Variants in NELL1 observed in about 807,000 individuals in gnomAD.
NELL1 encodes the protein protein kinase C-binding protein NELL1.
NELL1 carries 76 observed loss-of-function variants against 107.4 expected under a neutral mutation model. The observed-to-expected ratio is 0.71, with a 90% confidence interval of 0.59 to 0.86. The LOEUF is 0.86. NELL1 is among the 40% of genes least tolerant of loss of function. NELL1 has a pLI of 0.00. For missense variants in NELL1, 1,024 were observed against 1,005.5 expected (o/e 1.02, Z -0.25); for synonymous variants, 353 against 341.2 (o/e 1.03, Z -0.38).
At chr11:20,700,054 T>C (rs1425111824) in intron 2 of NELL1, among the ~76,000 whole-genome samples, 1 of 152,032 alleles carries the variant, frequency 6.6e-6, no homozygotes, top group Admixed American at 6.6e-5. Context: ...TTTTTTTTTA[T>C]AAAATGATGC....
intron 12 of NELL1, chr11:21,000,745 G>T (rs993152116): frequency 6.6e-6 from 1 of 152,206 alleles, no homozygotes; most frequent in Non-Finnish European, 1.5e-5. Context: ...TATTCTTTAT[G>T]CAGCAGGATG....
intron 15 of NELL1, among the ~76,000 whole-genome samples, chr11:21,483,804 G>A (rs1854551027): frequency 6.7e-6 from 1 of 148,946 alleles, no homozygotes; most frequent in Admixed American, 6.7e-5. Context: ...ATGGAATATT[G>A]TGTGGTTATT....
At chr11:20,946,188 C>T (rs775657248) in intron 10 of NELL1, among the ~76,000 whole-genome samples, 21 of 152,246 alleles carry the variant, frequency 1.4e-4, no homozygotes, top group Non-Finnish European at 2.4e-4. Flanking sequence ...CTCATGAAGA[C>T]GGAAAACTCA....
At chr11:21,013,389 T>C (rs1246835451) in intron 12 of NELL1, among the ~76,000 whole-genome samples, 2 of 152,030 alleles carry the variant, frequency 1.3e-5, no homozygotes, top group African/African-American at 4.8e-5. Context: ...TGGAGATGGT[T>C]GAGAGGGGCC....
chr11:21,056,185 C>G (rs1853611232), intron 12 of NELL1, among the ~76,000 whole-genome samples: 1 of 152,188 alleles, frequency 6.6e-6, no homozygotes, highest in Admixed American at 6.6e-5. Context: ...AGCAGGGCAG[C>G]AGTTCAATAG....
intron 15 of NELL1, among the ~76,000 whole-genome samples, chr11:21,410,670 A>G (rs1852353526): frequency 6.6e-6 from 1 of 151,954 alleles, no homozygotes; most frequent in Non-Finnish European, 1.5e-5. Context: ...TGTAATCTCT[A>G]CCTATTTAAA....
chr11:21,144,646 T>C (rs16907534), intron 13 of NELL1, among the ~76,000 whole-genome samples: 1,913 of 152,302 alleles, frequency 0.013, 43 homozygotes, highest in African/African-American at 0.043. Flanking sequence ...ATTTTTGCAC[T>C]AGAGTCTGCT....
At chr11:20,818,334 G>A (rs911027424) in intron 3 of NELL1, among the ~76,000 whole-genome samples, 1 of 148,552 alleles carries the variant, frequency 6.7e-6, no homozygotes, top group Non-Finnish European at 1.5e-5. Context: ...CATACGTAAC[G>A]TCTTTCTTTG....
At chr11:21,334,414 G>A (rs529234088) in intron 14 of NELL1, among the ~76,000 whole-genome samples, 6 of 151,852 alleles carry the variant, frequency 4.0e-5, no homozygotes, top group African/African-American at 1.2e-4. Context: ...AAGCCCTTAC[G>A]AAAACAGGCC....
intron 15 of NELL1, among the ~76,000 whole-genome samples, chr11:21,483,316 A>C (rs1854538581): frequency 6.6e-6 from 1 of 152,200 alleles, no homozygotes; most frequent in Admixed American, 6.5e-5. Context: ...GCTTCCAGGT[A>C]AAGCTAATGT....
At chr11:20,930,099 T>C (rs907585978) in intron 9 of NELL1, among the ~76,000 whole-genome samples, 1 of 152,216 alleles carries the variant, frequency 6.6e-6, no homozygotes, top group African/African-American at 2.4e-5. Flanking sequence ...TGTTTGGACA[T>C]GGAAGTAATG....
chr11:20,815,880 A>AT (rs1857612876), intron 3 of NELL1, among the ~76,000 whole-genome samples: 1 of 152,048 alleles, frequency 6.6e-6, no homozygotes, highest in African/African-American at 2.4e-5. Context: ...ATGCCTAGTC[A>AT]TTTTTCCTGG....
intron 13 of NELL1, among the ~76,000 whole-genome samples, chr11:21,134,911 TTGTATAATG>T (rs1855710168): frequency 1.3e-5 from 2 of 152,238 alleles, no homozygotes; most frequent in South Asian, 4.1e-4. Context: ...AATCTCTCAT[TTGTATAATG>T]TGCATAATAT....
chr11:21,176,483 C>A (rs34409388), intron 13 of NELL1, among the ~76,000 whole-genome samples: 2 of 151,928 alleles, frequency 1.3e-5, no homozygotes, highest in East Asian at 3.9e-4. Context: ...TCTGGCCCAC[C>A]TGAGGTTTAT....
intron 12 of NELL1, among the ~76,000 whole-genome samples, chr11:21,072,429 A>G (rs1854037220): frequency 6.6e-6 from 1 of 152,020 alleles, no homozygotes; most frequent in Non-Finnish European, 1.5e-5. Flanking sequence ...CAGATAAGTT[A>G]TTTTTTCTCC....
In NELL1 at chr11:21,334,821, A is replaced by G. The variant is rs574041133; in HGVS notation, c.1550-36032A>G. Among the ~76,000 whole-genome samples, 3 of 152,046 alleles carry G rather than the reference A, an allele frequency of 2.0e-5. No individual in the cohort carries two copies. The South Asian group carries it at 6.2e-4, about 32-fold the overall frequency. ...TTAATCCATCAATATATTGTATGTCAATATGCTGTATCTGCTGAGGCAGCT... is the reference window on the plus strand; with the variant it reads ...TTAATCCATCAATATATTGTATGTCGATATGCTGTATCTGCTGAGGCAGCT... On this transcript the variant is annotated intron_variant, in intron 14 of 19. Transcript: ENST00000357134.
At chr11:20,979,325 C>T (rs1361152959) in intron 12 of NELL1, among the ~76,000 whole-genome samples, 1 of 152,114 alleles carries the variant, frequency 6.6e-6, no homozygotes, top group Non-Finnish European at 1.5e-5. Context: ...CCTTAAAAAA[C>T]TATAAATTAA....
At chr11:21,275,372 G>C (rs1002211175) in intron 14 of NELL1, among the ~76,000 whole-genome samples, 2 of 152,124 alleles carry the variant, frequency 1.3e-5, no homozygotes, top group African/African-American at 4.8e-5. Context: ...TCTCTGAATA[G>C]ACCAATAACA....
At chr11:21,488,065 A>AAT (rs541333819) in intron 15 of NELL1, among the ~76,000 whole-genome samples, 345 of 151,512 alleles carry the variant, frequency 2.3e-3, no homozygotes, top group African/African-American at 7.9e-3. Context: ...AGAGAAACTG[A>AAT]CTTCAGTTCA....
Sources: allele counts gnomAD v4.1 joint callset (sites outside exome capture counted in the v4.1 genomes callset), GRCh38; gene constraint gnomAD v4.1.1; transcripts MANE v1.5; gene names NCBI Gene and HGNC (gene_info 2026-07-23, HGNC 2026-07-21).